Variants in CRTAC1 observed in about 807,000 individuals in gnomAD.
CRTAC1 encodes the protein cartilage acidic protein 1, also known as acidic secreted protein in cartilage.
A neutral mutation model predicts 67.8 loss-of-function variants in CRTAC1; 37 were observed. That is an observed-to-expected ratio of 0.55 (90% CI 0.42 to 0.72). CRTAC1 has a LOEUF of 0.72. Among genes scored for constraint, CRTAC1 ranks in the 30% least tolerant of loss-of-function variants. CRTAC1 has a pLI of 0.00. For synonymous variants in CRTAC1, 348 were observed against 371.0 expected, an observed-to-expected ratio of 0.94 and a Z score of 0.71; for missense variants, 780 against 931.6, an observed-to-expected ratio of 0.84 and a Z score of 2.12.
chr10:97,931,527 T>TCATGAGAAA (rs1260342101), intron 3 of CRTAC1, among the ~76,000 whole-genome samples: 3 of 152,236 alleles, frequency 2.0e-5, no homozygotes, highest in Non-Finnish European at 4.4e-5. Context: ...CTCTGTGTAC[T>TCATGAGAAA]GCCATGAAAT....
At chr10:97,871,967 G>C (rs1202693429) in intron 14 of CRTAC1, among the ~76,000 whole-genome samples, 2 of 152,222 alleles carry the variant, frequency 1.3e-5, no homozygotes, top group Non-Finnish European at 2.9e-5. Context: ...ACAGTGCTGA[G>C]TGAGGCCCCA....
At chr10:97,929,264 G>C (rs1216537397) in intron 3 of CRTAC1, among the ~76,000 whole-genome samples, 1 of 152,108 alleles carries the variant, frequency 6.6e-6, no homozygotes, top group Non-Finnish European at 1.5e-5. Context: ...AGGGAGAAGG[G>C]AAAGACCAGG....
intron 8 of CRTAC1, among the ~76,000 whole-genome samples, chr10:97,900,221 T>C (rs1590193524): frequency 6.6e-6 from 1 of 152,174 alleles, no homozygotes; most frequent in Non-Finnish European, 1.5e-5. Flanking sequence ...TCCCTCCATT[T>C]CTGAAACCCT....
rs1260676639 is a variant in CRTAC1, at chr10:97,904,832, G to A, written c.851-18C>T. The A allele has an allele frequency of 6.3e-6, 10 of 1,586,868 alleles. No individual in the cohort carries two copies. The Admixed American group carries it at 9.4e-5, about 15-fold the overall frequency. On this transcript the variant is annotated intron_variant, in intron 6 of 14. Transcript: ENST00000370597. Reference sequence around the variant, plus strand: ...GTCCACACCTGGGGAGGAGAGGCAGGAACTCTCAGGGCGGCATCCCCTGCA... The same window carrying A: ...GTCCACACCTGGGGAGGAGAGGCAGAAACTCTCAGGGCGGCATCCCCTGCA...
At chr10:97,939,288 C>T (rs577834) in intron 2 of CRTAC1, among the ~76,000 whole-genome samples, 33,368 of 152,044 alleles carry the variant, frequency 0.22, 3,740 homozygotes, top group African/African-American at 0.25. Context: ...TAGTTGGCCC[C>T]GGCTCTCTTC....
intron 4 of CRTAC1, among the ~76,000 whole-genome samples, chr10:97,919,590 C>A (rs1259778030): frequency 1.3e-5 from 2 of 152,062 alleles, no homozygotes; most frequent in African/African-American, 4.8e-5. Context: ...CTTTACAAAT[C>A]TTGCTACTCA....
chr10:97,938,049 C>T (rs2051116834), intron 2 of CRTAC1, among the ~76,000 whole-genome samples: 1 of 152,222 alleles, frequency 6.6e-6, no homozygotes, highest in Admixed American at 6.5e-5. Flanking sequence ...TTGGGGGATG[C>T]TGAGCAGCTG....
intron 11 of CRTAC1, 66 bp from the exon 12 acceptor site, chr10:97,884,417 G>A: frequency 1.4e-6 from 2 of 1,384,284 alleles, no homozygotes; most frequent in Non-Finnish European, 2.0e-6. Flanking sequence ...GGAAGCATCA[G>A]CATCAACTAA....
At chr10:98,028,971 G>A (rs1320700435) in intron 1 of CRTAC1, among the ~76,000 whole-genome samples, 2 of 152,116 alleles carry the variant, frequency 1.3e-5, no homozygotes, top group Non-Finnish European at 2.9e-5. Flanking sequence ...ACCGGAAATG[G>A]AAATGTTCTA....
chr10:97,891,312 A>T (rs574953831), intron 11 of CRTAC1, among the ~76,000 whole-genome samples: 1 of 152,356 alleles, frequency 6.6e-6, no homozygotes, highest in Admixed American at 6.5e-5. Context: ...TTTCCCAAAC[A>T]TTCCCGTTCT....
At chr10:97,943,491 C>T (rs922614467) in intron 2 of CRTAC1, among the ~76,000 whole-genome samples, 3 of 152,206 alleles carry the variant, frequency 2.0e-5, no homozygotes, top group Admixed American at 6.5e-5. Flanking sequence ...GGCATTTCCT[C>T]TAAACGTTTT....
chr10:98,030,507 G>T lies in CRTAC1; in HGVS notation c.-35C>A. 8.1e-7 allele frequency: 1 copy of T among 1,241,082 alleles called. No homozygotes were observed. The highest frequency in any genetic ancestry group is 1.0e-6 in the Non-Finnish European group (1 of 984,954). 76.9% of individuals were successfully genotyped at this position (1,241,082 alleles called of 1,614,324 possible). ...CTCGGCCCCGCCGCCTAGGGGCGTG[G>T]GAAGCGGGCGCTCGCTGCCGCCTCT... is the stretch of plus-strand genomic sequence containing the variant. On this transcript the variant is annotated 5_prime_UTR_variant, in exon 1 of 15. Transcript: ENST00000370597. This position sits in a 1 kb window ranked among gnomAD's most constrained non-coding sequence, Gnocchi z 4.2.
intron 12 of CRTAC1, among the ~76,000 whole-genome samples, chr10:97,883,893 A>G (rs1159338482): frequency 2.6e-5 from 4 of 152,220 alleles, no homozygotes; most frequent in Non-Finnish European, 4.4e-5. Context: ...AACTTTGCTC[A>G]CAACTGGCTG....
intron 2 of CRTAC1, among the ~76,000 whole-genome samples, chr10:97,938,826 A>G (rs1294350394): frequency 6.6e-6 from 1 of 152,208 alleles, no homozygotes; most frequent in Non-Finnish European, 1.5e-5. Context: ...TGTGAAATGC[A>G]AGAGTTGGAC....
chr10:97,923,518 A>C, intron 3 of CRTAC1, 118 bp from the exon 4 acceptor site: 1 of 1,249,804 alleles, frequency 8.0e-7, no homozygotes, highest in South Asian at 1.3e-5. Context: ...AGGTTGGGTC[A>C]TCTGCGGCAA....
At chr10:97,878,931 G>A (rs1272448643) in intron 14 of CRTAC1, among the ~76,000 whole-genome samples, 2 of 152,146 alleles carry the variant, frequency 1.3e-5, no homozygotes, top group African/African-American at 4.8e-5. Context: ...TCCCCCAAAT[G>A]TGAACATTGT....
intron 13 of CRTAC1, 62 bp from the exon 14 acceptor site, chr10:97,880,454 C>G: frequency 6.3e-7 from 1 of 1,591,168 alleles, no homozygotes; most frequent in Non-Finnish European, 8.6e-7. Context: ...AGCCCAGGCT[C>G]TGCCTGCCTA....
At chr10:97,979,368 C>G (rs745656549) in intron 2 of CRTAC1, among the ~76,000 whole-genome samples, 2 of 152,146 alleles carry the variant, frequency 1.3e-5, no homozygotes, top group Non-Finnish European at 2.9e-5. Context: ...CCCGAACCAC[C>G]GTGGGGAAGG....
Position 98,010,518 on chromosome 10 carries a change from C to T in CRTAC1, c.224+620G>A, listed in dbSNP as rs370083346. Among the ~76,000 whole-genome samples, 6 of 152,120 alleles carry T rather than the reference C, an allele frequency of 3.9e-5. No individual in the cohort carries two copies. In the East Asian group the frequency reaches 7.7e-4, roughly 20 times the overall value. On this transcript the variant is annotated intron_variant, in intron 2 of 14. Coordinates refer to ENST00000370597, the MANE Select transcript of CRTAC1 (RefSeq NM_018058.7). ...GGACATAAAACTGGAACGTTTACACCTTAGGGCATGAACTCAGGCTATTTG... is the reference window on the plus strand; with the variant it reads ...GGACATAAAACTGGAACGTTTACACTTTAGGGCATGAACTCAGGCTATTTG...
Sources: gnomAD v4.1 joint callset for allele counts (sites outside exome capture counted in the v4.1 genomes callset) on GRCh38, gnomAD v4.1.1 for gene constraint, Gnocchi (gnomAD v3.1) non-coding constraint, MANE v1.5 for transcripts, NCBI Gene and HGNC (gene_info 2026-07-23, HGNC 2026-07-21) for gene names.